ZNRF3: variants seen among roughly 807,000 people sequenced by gnomAD.
The protein encoded by ZNRF3 is zinc and ring finger 3.
Under a neutral mutation model 72.5 loss-of-function variants are expected in ZNRF3, and 23 were observed. That is an observed-to-expected ratio of 0.32 (90% confidence interval 0.23 to 0.45). The LOEUF (loss-of-function observed/expected upper bound fraction) is 0.45. Among genes scored for constraint, ZNRF3 ranks in the 20% least tolerant of loss-of-function variants. The pLI, the probability that ZNRF3 is intolerant of heterozygous loss-of-function variation, is 1.00. For synonymous variants in ZNRF3, 610 were observed against 545.3 expected (o/e 1.12, Z -1.65); for missense variants, 1,169 against 1,272.1 (o/e 0.92, Z 1.23).
At chr22:28,981,150 A>G (rs1423795466) in intron 1 of ZNRF3, among the ~76,000 whole-genome samples, 1 of 152,210 alleles carries the variant, frequency 6.6e-6, no homozygotes, top group African/African-American at 2.4e-5. Context: ...GTCAGTGCCT[A>G]TATGTCGCTG....
rs533300587 is a variant in ZNRF3 at position 28,905,626 on chromosome 22, C to A, written c.300+21560C>A. Among the ~76,000 whole-genome samples, 4 of 152,248 alleles carry A rather than the reference C, an allele frequency of 2.6e-5. No individual in the cohort carries two copies. In the South Asian group the frequency reaches 8.3e-4, roughly 32 times the overall value. ...TAAACATTCTGCTTGTGAAACAATCCAAATTACTGAATTCTCAGCTGCTGT... is the reference window on the plus strand; with the variant it reads ...TAAACATTCTGCTTGTGAAACAATCAAAATTACTGAATTCTCAGCTGCTGT... On this transcript the variant is annotated intron_variant, in intron 1 of 8. Coordinates refer to ENST00000544604, the MANE Select transcript of ZNRF3 (RefSeq NM_001206998.2).
intron 2 of ZNRF3, among the ~76,000 whole-genome samples, chr22:29,018,866 C>T (rs542379045): frequency 6.6e-6 from 1 of 151,670 alleles, no homozygotes; most frequent in Admixed American, 6.6e-5. Context: ...AACATAGCAC[C>T]CTAAAAACAA....
chr22:28,928,951 C>G (rs2034655908), intron 1 of ZNRF3, among the ~76,000 whole-genome samples: 1 of 152,224 alleles, frequency 6.6e-6, no homozygotes, highest in Non-Finnish European at 1.5e-5. Flanking sequence ...TCTCACAATT[C>G]TACTACCACA....
intron 2 of ZNRF3, among the ~76,000 whole-genome samples, chr22:29,023,901 C>G (rs902885092): frequency 2.6e-5 from 4 of 152,150 alleles, no homozygotes; most frequent in African/African-American, 9.7e-5. Context: ...CTACAATTAC[C>G]TGCTTATTTG....
chr22:28,968,945 G>C (rs2035523467), intron 1 of ZNRF3, among the ~76,000 whole-genome samples: 1 of 152,042 alleles, frequency 6.6e-6, no homozygotes, highest in African/African-American at 2.4e-5. Context: ...GCCTATAACA[G>C]GTCTCATAGT....
At chr22:28,893,526 C>G (rs1178647641) in intron 1 of ZNRF3, among the ~76,000 whole-genome samples, 2 of 146,182 alleles carry the variant, frequency 1.4e-5, no homozygotes, top group Non-Finnish European at 3.0e-5. Context: ...GAGACAAGTT[C>G]TGGCTCTATC....
At chr22:28,917,263 G>T (rs1227534053) in intron 1 of ZNRF3, 2 of 108,794 alleles carry the variant, frequency 1.8e-5, no homozygotes, top group Non-Finnish European at 2.9e-5. Context: ...AGTGGTTGGG[G>T]ATAAAACACA....
chr22:28,904,448 C>T (rs865827934), intron 1 of ZNRF3, among the ~76,000 whole-genome samples: 1 of 152,240 alleles, frequency 6.6e-6, no homozygotes, highest in Non-Finnish European at 1.5e-5. Context: ...AGCCTTCGCT[C>T]CTCAGATCAC....
At chr22:29,033,499 T>A (rs1000726008) in intron 2 of ZNRF3, among the ~76,000 whole-genome samples, 1 of 151,982 alleles carries the variant, frequency 6.6e-6, no homozygotes, top group Middle Eastern at 3.4e-3. Flanking sequence ...GATCCATGAT[T>A]GAGAACGGTC....
At chr22:28,934,817 CAAAAAAAAAAAA>C (rs1244256699) in intron 1 of ZNRF3, among the ~76,000 whole-genome samples, 1 of 57,152 alleles carries the variant, frequency 1.7e-5, no homozygotes, top group African/African-American at 5.7e-5. Context: ...GACTCTGTCT[CAAAAAAAAAAAA>C]AAAAAAAAAG....
intron 1 of ZNRF3, among the ~76,000 whole-genome samples, chr22:28,939,935 G>T (rs914166799): frequency 1.1e-4 from 17 of 152,058 alleles, no homozygotes; most frequent in Non-Finnish European, 2.2e-4. Flanking sequence ...TATTCAAAAA[G>T]ATTTTTAATG....
At chr22:29,008,496 G>A (rs1256409824) in intron 2 of ZNRF3, among the ~76,000 whole-genome samples, 1 of 152,204 alleles carries the variant, frequency 6.6e-6, no homozygotes, top group Non-Finnish European at 1.5e-5. Flanking sequence ...GACCAGTGAA[G>A]AGGGGCTTGA....
intron 2 of ZNRF3, among the ~76,000 whole-genome samples, chr22:29,028,294 C>T (rs1197045360): frequency 6.6e-6 from 1 of 152,114 alleles, no homozygotes; most frequent in East Asian, 1.9e-4. Context: ...TCCACCCTGC[C>T]ACCTCTCAGG....
chr22:28,945,081 G>T (rs888913284), intron 1 of ZNRF3, among the ~76,000 whole-genome samples: 1 of 151,554 alleles, frequency 6.6e-6, no homozygotes, highest in Admixed American at 6.6e-5. Flanking sequence ...ACTTTGGGAG[G>T]CTGAGGTGGG....
chr22:28,998,296 C>T (rs1270628864), intron 2 of ZNRF3, among the ~76,000 whole-genome samples: 1 of 142,292 alleles, frequency 7.0e-6, no homozygotes, highest in African/African-American at 2.6e-5. Context: ...GAGACTCCGT[C>T]AAAAAAAAAA....
At chr22:29,000,369 T>C (rs2036121237) in intron 2 of ZNRF3, among the ~76,000 whole-genome samples, 1 of 152,342 alleles carries the variant, frequency 6.6e-6, no homozygotes, top group Middle Eastern at 3.4e-3. Flanking sequence ...GAGAAAAGAA[T>C]GTGAAATATG....
chr22:28,946,683 T>G (rs1445113418), intron 1 of ZNRF3, among the ~76,000 whole-genome samples: 1 of 152,210 alleles, frequency 6.6e-6, no homozygotes, highest in Non-Finnish European at 1.5e-5. Flanking sequence ...ATGAGAAGTG[T>G]TAGCAGATGA....
At chr22:28,967,891 A>C (rs952351268) in intron 1 of ZNRF3, among the ~76,000 whole-genome samples, 6 of 147,542 alleles carry the variant, frequency 4.1e-5, no homozygotes, top group African/African-American at 1.3e-4. Flanking sequence ...GCACCACTAC[A>C]CTCCAGCCTA....
intron 1 of ZNRF3, among the ~76,000 whole-genome samples, chr22:28,919,666 C>T (rs1185188105): frequency 6.6e-6 from 1 of 151,664 alleles, no homozygotes; most frequent in Non-Finnish European, 1.5e-5. Flanking sequence ...GCCACCATGC[C>T]TGGCTAATTT....
Sources: allele counts gnomAD v4.1 joint callset (sites outside exome capture counted in the v4.1 genomes callset), GRCh38; gene constraint gnomAD v4.1.1; transcripts MANE v1.5; gene names NCBI Gene and HGNC (gene_info 2026-07-23, HGNC 2026-07-21).